ADAM22: variants seen among roughly 807,000 people sequenced by gnomAD.
The protein encoded by ADAM22 is ADAM metallopeptidase domain 22.
A neutral mutation model predicts 144.6 loss-of-function variants in ADAM22; 65 were observed. That is an observed-to-expected ratio of 0.45 (90% CI 0.37 to 0.55). ADAM22 has a LOEUF of 0.55. Ranked by LOEUF, ADAM22 falls within the 20% of genes least tolerant of loss-of-function variation. The pLI is 0.00. For missense variants in ADAM22, 974 were observed against 1,184.9 expected (o/e 0.82, Z 2.61); for synonymous variants, 391 against 412.6 (o/e 0.95, Z 0.63).
chr7:88,149,641 T>C (rs905244575), intron 18 of ADAM22, among the ~76,000 whole-genome samples: 1 of 152,182 alleles, frequency 6.6e-6, no homozygotes, highest in Non-Finnish European at 1.5e-5. Context: ...AAAATGACCA[T>C]GCAAGCTGAG....
chr7:88,127,420 A>G (rs766251467), intron 8 of ADAM22, among the ~76,000 whole-genome samples: 5 of 151,954 alleles, frequency 3.3e-5, no homozygotes, highest in Non-Finnish European at 2.9e-5. Context: ...TTGCTGTATT[A>G]ACTAGTCTCT....
rs1461767900 is a variant in ADAM22, at chr7:87,935,057, G to A, written c.117G>A (p.Arg39=). 6.2e-6 allele frequency: 10 copies of A among 1,614,078 alleles called. No homozygotes were observed. The highest frequency in any genetic ancestry group is 1.1e-5 in the South Asian group (1 of 91,090). ...CCTCATTGATGGAGCTAGAGAAGAG[G>A]AAGGAAAACCGCTTCGTGGAGCGCC... is the stretch of plus-strand genomic sequence containing the variant. ...GDASLMELEK[R]KENRFVERQS... Residue 39 remains arginine (R), a synonymous_variant, in exon 2 of 32, where the codon AGG becomes AGA. Transcript: ENST00000413139.
chr7:88,185,429 T>C lies in ADAM22; in HGVS notation c.2664-1186T>C, dbSNP rs535123140. On this transcript the variant is annotated intron_variant, in intron 29 of 31. Transcript: ENST00000413139. Reference sequence around the variant, plus strand: ...TTATGACGAGCTCAATAACTAAATATGGGAGAAAGAAGGAAAATGTAACCA... The same window carrying C: ...TTATGACGAGCTCAATAACTAAATACGGGAGAAAGAAGGAAAATGTAACCA... Among the ~76,000 whole-genome samples, 7 of 152,280 alleles carry C rather than the reference T, an allele frequency of 4.6e-5. No individual in the cohort carries two copies. The South Asian group carries it at 1.2e-3, about 27-fold the overall frequency.
At chr7:88,079,399 A>G (rs1218507791) in intron 4 of ADAM22, among the ~76,000 whole-genome samples, 1 of 152,240 alleles carries the variant, frequency 6.6e-6, no homozygotes, top group Non-Finnish European at 1.5e-5. Context: ...AACATGCCAA[A>G]TTGTAAAGAC....
chr7:88,161,140 C>T (rs540862114), intron 22 of ADAM22, among the ~76,000 whole-genome samples: 1 of 150,532 alleles, frequency 6.6e-6, no homozygotes, highest in East Asian at 2.0e-4. Flanking sequence ...CCAACCCCCC[C>T]ACCCAAAAAA....
intron 3 of ADAM22, among the ~76,000 whole-genome samples, chr7:88,055,580 GAA>G (rs1808018516): frequency 1.3e-5 from 2 of 152,078 alleles, no homozygotes; most frequent in Admixed American, 1.3e-4. Flanking sequence ...GAGAGGAAAA[GAA>G]AAGAGAGAGT....
chr7:87,952,816 C>T (rs1845609005), intron 2 of ADAM22, among the ~76,000 whole-genome samples: 1 of 152,182 alleles, frequency 6.6e-6, no homozygotes, highest in South Asian at 2.1e-4. Flanking sequence ...GCCACAATTT[C>T]AGATCCTGTT....
intron 3 of ADAM22, among the ~76,000 whole-genome samples, chr7:88,066,913 A>G (rs1458361668): frequency 6.6e-6 from 1 of 152,196 alleles, no homozygotes; most frequent in Non-Finnish European, 1.5e-5. Flanking sequence ...AGAGGTAGCT[A>G]AATAGTGACC....
At chr7:88,088,076 G>A (rs895116877) in intron 4 of ADAM22, among the ~76,000 whole-genome samples, 3 of 152,152 alleles carry the variant, frequency 2.0e-5, no homozygotes, top group Admixed American at 2.0e-4. Flanking sequence ...AGAGGAGAAA[G>A]GAATACATAA....
intron 2 of ADAM22, among the ~76,000 whole-genome samples, chr7:87,960,347 A>G (rs752258820): frequency 1.3e-5 from 2 of 151,426 alleles, no homozygotes; most frequent in Admixed American, 1.3e-4. Context: ...CCAAGTGCAG[A>G]TAGTATTGTT....
intron 2 of ADAM22, among the ~76,000 whole-genome samples, chr7:87,962,555 A>G (rs1562864518): frequency 6.6e-6 from 1 of 152,114 alleles, no homozygotes; most frequent in Admixed American, 6.6e-5. Flanking sequence ...CACTGCTTAC[A>G]CTTTTTTTTA....
chr7:88,018,695 T>A (rs577517288), intron 3 of ADAM22, among the ~76,000 whole-genome samples: 10 of 152,360 alleles, frequency 6.6e-5, no homozygotes, highest in African/African-American at 2.4e-4. Flanking sequence ...CCCAATGGTA[T>A]GTTCGCTTCC....
At chr7:87,984,998 A>G (rs1854606761) in intron 3 of ADAM22, among the ~76,000 whole-genome samples, 3 of 151,754 alleles carry the variant, frequency 2.0e-5, no homozygotes, top group Admixed American at 2.0e-4. Context: ...GCATACAATG[A>G]AAGTCTTTTT....
chr7:88,113,444 T>C (rs867117851), intron 5 of ADAM22, among the ~76,000 whole-genome samples: 1 of 151,038 alleles, frequency 6.6e-6, no homozygotes, highest in South Asian at 2.1e-4. Flanking sequence ...TGTAACATAG[T>C]ATCTGGCATG....
intron 2 of ADAM22, among the ~76,000 whole-genome samples, chr7:87,976,964 G>C (rs1258127260): frequency 6.6e-6 from 1 of 151,810 alleles, no homozygotes; most frequent in Non-Finnish European, 1.5e-5. Flanking sequence ...TATGATGTAT[G>C]GCAGAGGTGG....
intron 4 of ADAM22, among the ~76,000 whole-genome samples, chr7:88,083,310 G>A (rs1461767523): frequency 6.6e-6 from 1 of 152,066 alleles, no homozygotes; most frequent in Admixed American, 6.6e-5. Context: ...GACACAGGAA[G>A]GGGACCTTTA....
At chr7:87,989,885 C>T (rs1584861131) in intron 3 of ADAM22, among the ~76,000 whole-genome samples, 1 of 151,832 alleles carries the variant, frequency 6.6e-6, no homozygotes, top group South Asian at 2.1e-4. Flanking sequence ...CACTGCACTC[C>T]ATCCAGCCTG....
chr7:88,028,909 A>G (rs1009564958), intron 3 of ADAM22, among the ~76,000 whole-genome samples: 32 of 152,022 alleles, frequency 2.1e-4, no homozygotes, highest in Admixed American at 1.3e-4. Flanking sequence ...TAGGTGAAGT[A>G]TATGTCTTAT....
chr7:88,077,554 A>C (rs1814965704), intron 4 of ADAM22, among the ~76,000 whole-genome samples: 1 of 152,220 alleles, frequency 6.6e-6, no homozygotes, highest in Non-Finnish European at 1.5e-5. Context: ...GCATCGCCTC[A>C]CCTGGGAAGT....
Sources: gnomAD v4.1 joint callset for allele counts (sites outside exome capture counted in the v4.1 genomes callset) on GRCh38, gnomAD v4.1.1 for gene constraint, MANE v1.5 for transcripts, NCBI Gene and HGNC (gene_info 2026-07-23, HGNC 2026-07-21) for gene names.